The following EPM2A variants were observed in gnomAD, a reference collection of about 807,000 sequenced individuals.
EPM2A encodes the protein laforin.
Under a neutral mutation model 26.5 loss-of-function variants are expected in EPM2A, and 21 were observed. That is an observed-to-expected ratio of 0.79 (90% CI 0.56 to 1.14). The LOEUF is 1.14. EPM2A is among the 50% of genes most tolerant of loss of function. EPM2A has a pLI of 0.00. For synonymous variants in EPM2A, 217 were observed against 177.6 expected, an observed-to-expected ratio of 1.22 and a Z score of -1.76; for missense variants, 458 against 440.8, an observed-to-expected ratio of 1.04 and a Z score of -0.35.
intron 2 of EPM2A, among the ~76,000 whole-genome samples, chr6:145,591,427 A>C (rs1781272000): frequency 6.6e-6 from 1 of 152,132 alleles, no homozygotes; most frequent in Admixed American, 6.6e-5. Context: ...TAGAAACCCA[A>C]AGACAAAGAG....
intron 4 of EPM2A, among the ~76,000 whole-genome samples, chr6:145,468,323 C>T (rs1453167454): frequency 6.6e-6 from 1 of 152,074 alleles, no homozygotes; most frequent in Non-Finnish European, 1.5e-5. Flanking sequence ...AATCGCCGTA[C>T]ATTGTAAGTT....
intron 2 of EPM2A, among the ~76,000 whole-genome samples, chr6:145,509,612 T>C (rs560610390): frequency 2.6e-5 from 4 of 152,142 alleles, no homozygotes; most frequent in Non-Finnish European, 5.9e-5. Flanking sequence ...AAATGAAAGA[T>C]GTTTGCTACC....
At chr6:145,734,349 T>G (rs1776688598) in intron 1 of EPM2A, among the ~76,000 whole-genome samples, 1 of 152,136 alleles carries the variant, frequency 6.6e-6, no homozygotes. Context: ...CTATACAATT[T>G]TTGTAAAAAA....
intron 4 of EPM2A, among the ~76,000 whole-genome samples, chr6:145,410,958 C>G (rs919987783): frequency 3.3e-5 from 5 of 152,150 alleles, no homozygotes; most frequent in Admixed American, 6.5e-5. Flanking sequence ...GATGACCTGA[C>G]CAGTTTTCTC....
chr6:145,731,783 A>G (rs1776502215), intron 1 of EPM2A, among the ~76,000 whole-genome samples: 1 of 152,144 alleles, frequency 6.6e-6, no homozygotes, highest in African/African-American at 2.4e-5. Context: ...AAAAAAAGAG[A>G]AAGAAATCAT....
intron 4 of EPM2A, among the ~76,000 whole-genome samples, chr6:145,449,716 T>TA (rs1411835405): frequency 2.0e-5 from 3 of 152,190 alleles, no homozygotes; most frequent in Admixed American, 6.5e-5. Flanking sequence ...TATTTAATAG[T>TA]ATTTTTCTAA....
intron 4 of EPM2A, among the ~76,000 whole-genome samples, chr6:145,431,191 AC>A (rs1375078893): frequency 6.6e-6 from 1 of 152,212 alleles, no homozygotes; most frequent in Non-Finnish European, 1.5e-5. Context: ...TGTTTTACAG[AC>A]CAGGGTCAAG....
At chr6:145,606,733 A>G (rs1026291228) in intron 2 of EPM2A, among the ~76,000 whole-genome samples, 3 of 152,148 alleles carry the variant, frequency 2.0e-5, no homozygotes, top group Non-Finnish European at 2.9e-5. Context: ...ATGGAAGAGC[A>G]GAAATTTGGT....
intron 2 of EPM2A, among the ~76,000 whole-genome samples, chr6:145,542,644 CTTG>C (rs1780528690): frequency 6.6e-6 from 1 of 152,150 alleles, no homozygotes; most frequent in South Asian, 2.1e-4. Flanking sequence ...GCCAGGGACC[CTTG>C]TTAGTCCCCT....
chr6:145,431,474 C>T (rs1348599777), intron 4 of EPM2A, among the ~76,000 whole-genome samples: 2 of 152,164 alleles, frequency 1.3e-5, no homozygotes, highest in Non-Finnish European at 2.9e-5. Context: ...AAGTGAGCCA[C>T]ATAATTTTTT....
chr6:145,667,588 T>C (rs889293203), intron 2 of EPM2A, among the ~76,000 whole-genome samples: 1 of 151,410 alleles, frequency 6.6e-6, no homozygotes, highest in Non-Finnish European at 1.5e-5. Flanking sequence ...AGTTCAACCC[T>C]TGTGGAAGTC....
chr6:145,715,130 C>T lies in EPM2A; in HGVS notation c.301+20068G>A, dbSNP rs185837021. Among the ~76,000 whole-genome samples, 102 of 152,296 alleles carry T rather than the reference C, an allele frequency of 6.7e-4. 1 individual carries two copies. The highest frequency in any genetic ancestry group is 2.4e-3 in the African/African-American group (99 of 41,538). On this transcript the variant is annotated intron_variant, in intron 1 of 3. Coordinates refer to ENST00000367519, the MANE Select transcript of EPM2A (RefSeq NM_005670.4). ...CAAGCATTTGTATGATTATCATATA[C>T]TTTACAGATTTCTGTTTGACAATAA...
chr6:145,583,005 G>A (rs1781135931), intron 2 of EPM2A, among the ~76,000 whole-genome samples: 1 of 152,014 alleles, frequency 6.6e-6, no homozygotes, highest in African/African-American at 2.4e-5. Flanking sequence ...AACTTTATTG[G>A]ATCAGTTTGA....
chr6:145,393,053 C>T (rs1778358499), intron 4 of EPM2A, among the ~76,000 whole-genome samples: 1 of 151,996 alleles, frequency 6.6e-6, no homozygotes, highest in African/African-American at 2.4e-5. Context: ...TAATGCCAAG[C>T]TTTCCAACTC....
intron 4 of EPM2A, among the ~76,000 whole-genome samples, chr6:145,401,174 A>T (rs1301012067): frequency 6.6e-6 from 1 of 150,824 alleles, no homozygotes; most frequent in Admixed American, 6.6e-5. Flanking sequence ...GGGTAGGGGG[A>T]AAAAAACACC....
At chr6:145,628,018 C>A (rs1341666861) in intron 3 of EPM2A, 3 of 309,748 alleles carry the variant, frequency 9.7e-6, no homozygotes, top group South Asian at 5.8e-5. Context: ...TGCACTTTCA[C>A]ATGAAGTTTT....
chr6:145,539,540 C>T (rs1780478906), intron 2 of EPM2A, among the ~76,000 whole-genome samples: 1 of 152,140 alleles, frequency 6.6e-6, no homozygotes. Flanking sequence ...TAGAGAAAGA[C>T]AGAAAAGGAG....
At chr6:145,397,452 G>C (rs1044759012) in intron 4 of EPM2A, among the ~76,000 whole-genome samples, 1 of 151,966 alleles carries the variant, frequency 6.6e-6, no homozygotes, top group Admixed American at 6.6e-5. Flanking sequence ...ATAAAAAAGG[G>C]GCAACAGAAA....
intron 4 of EPM2A, among the ~76,000 whole-genome samples, chr6:145,435,118 A>C (rs1343809467): frequency 6.6e-6 from 1 of 152,208 alleles, no homozygotes; most frequent in African/African-American, 2.4e-5. Flanking sequence ...AGCATGAGCC[A>C]ATTAAACTTC....
Sources: gnomAD v4.1 joint callset for allele counts (sites outside exome capture counted in the v4.1 genomes callset) on GRCh38, gnomAD v4.1.1 for gene constraint, MANE v1.5 for transcripts, NCBI Gene and HGNC (gene_info 2026-07-23, HGNC 2026-07-21) for gene names.